Variants in KIRREL3 observed in about 807,000 individuals in gnomAD.
The protein encoded by KIRREL3 is kirre like nephrin family adhesion molecule 3.
In KIRREL3, 36 loss-of-function variants were observed where a neutral mutation model predicts 89.7. The observed-to-expected ratio is 0.40, with a 90% CI of 0.31 to 0.53. The LOEUF (loss-of-function observed/expected upper bound fraction) is 0.53. Among genes scored for constraint, KIRREL3 ranks in the 20% least tolerant of loss-of-function variants. The pLI, the probability that KIRREL3 is intolerant of heterozygous loss-of-function variation, is 0.49. For synonymous variants in KIRREL3, 445 were observed against 441.4 expected, an observed-to-expected ratio of 1.01 and a Z score of -0.10; for missense variants, 864 against 1,056.6, an observed-to-expected ratio of 0.82 and a Z score of 2.53.
chr11:126,949,540 G>C (rs1210984376), intron 1 of KIRREL3, among the ~76,000 whole-genome samples: 1 of 152,162 alleles, frequency 6.6e-6, no homozygotes, highest in African/African-American at 2.4e-5. Flanking sequence ...TAAGCTTTTT[G>C]CCTGGATGCT....
In KIRREL3 at chr11:126,636,848, A is replaced by C. The variant is rs1339742058; in HGVS notation, c.56-73936T>G. Among the ~76,000 whole-genome samples the C allele has an allele frequency of 2.0e-5, 3 of 152,240 alleles. No homozygotes were observed. The highest frequency in any genetic ancestry group is 4.4e-5 in the Non-Finnish European group (3 of 68,046). On this transcript the variant is annotated intron_variant, in intron 1 of 16. Transcript: ENST00000525144. The surrounding 1 kb of genome is among the most constrained non-coding windows in gnomAD (Gnocchi z 4.4). ...AACCACTTACTCTATAGCCTTAGGC[A>C]AGGCACTTAATGCCATTGCATGCCA...
chr11:126,845,530 C>T (rs904652027), intron 1 of KIRREL3, among the ~76,000 whole-genome samples: 1 of 152,068 alleles, frequency 6.6e-6, no homozygotes, highest in Non-Finnish European at 1.5e-5. Flanking sequence ...GAATGAGGGC[C>T]TAGGACCCCA....
At chr11:126,986,662 G>T (rs1949875874) in intron 1 of KIRREL3, among the ~76,000 whole-genome samples, 1 of 152,180 alleles carries the variant, frequency 6.6e-6, no homozygotes, top group Admixed American at 6.5e-5. Context: ...TGAGAGGAAG[G>T]CAATGATGTC....
chr11:126,711,004 G>C (rs1248719503), intron 1 of KIRREL3, among the ~76,000 whole-genome samples: 1 of 152,116 alleles, frequency 6.6e-6, no homozygotes, highest in East Asian at 1.9e-4. Context: ...TCCCCTCCTT[G>C]GGGCAAGGAG....
In KIRREL3 at chr11:126,522,878, G is replaced by C. The variant is rs535326037; in HGVS notation, c.284-1414C>G. Among the ~76,000 whole-genome samples, 1 of 152,332 alleles carries C rather than the reference G, an allele frequency of 6.6e-6. No homozygotes were observed. Among genetic ancestry groups the C allele is most frequent in the East Asian group, 1.9e-4 (1 of 5,178 alleles). ...CCCCAGGCTGCTCCTCCTTTTGAAGGACCCTCACCACACAGGGAGTGTTCT... is the reference window on the plus strand; with the variant it reads ...CCCCAGGCTGCTCCTCCTTTTGAAGCACCCTCACCACACAGGGAGTGTTCT... On this transcript the variant is annotated intron_variant, in intron 3 of 16. Coordinates refer to ENST00000525144, the MANE Select transcript of KIRREL3 (RefSeq NM_032531.4). The surrounding 1 kb of genome is among the most constrained non-coding windows in gnomAD (Gnocchi z 6.0).
At position 126,700,722 on chromosome 11, in the gene KIRREL3, C is replaced by T. The variant is rs776097800; in HGVS notation, c.56-137810G>A. 6.8e-4 allele frequency among the ~76,000 whole-genome samples: 104 copies of T among 152,266 alleles called. 1 individual carries two copies. The highest frequency in any genetic ancestry group is 2.7e-3 in the Admixed American group (42 of 15,298). On this transcript the variant is annotated intron_variant, in intron 1 of 16. Coordinates refer to ENST00000525144, the MANE Select transcript of KIRREL3 (RefSeq NM_032531.4). ...TGTCTTTTCTGTGAGACTCATCCCG[C>T]TATTCAGCAGGTGAAACCTCTCCGC...
intron 1 of KIRREL3, among the ~76,000 whole-genome samples, chr11:126,882,756 AT>A (rs922558564): frequency 7.2e-5 from 11 of 152,288 alleles, no homozygotes; most frequent in Admixed American, 7.2e-4. Flanking sequence ...CTAGAAGAAA[AT>A]TTTTGATCCC....
intron 1 of KIRREL3, among the ~76,000 whole-genome samples, chr11:126,725,572 G>A (rs986014084): frequency 3.9e-5 from 6 of 152,214 alleles, no homozygotes; most frequent in Non-Finnish European, 8.8e-5. Flanking sequence ...TTTCTTCTGA[G>A]TGTGTTTGTG....
chr11:126,987,761 G>T lies in KIRREL3; in HGVS notation c.55+12694C>A, dbSNP rs947198165. On this transcript the variant is annotated intron_variant, in intron 1 of 16. Transcript: ENST00000525144. This position sits in a 1 kb window ranked among gnomAD's most constrained non-coding sequence, Gnocchi z 4.6. ...TTCCTCCTCTGTATTGCTCTGATTC[G>T]ATCTAAAGGAGCTTTGAAAACGTCA... Among the ~76,000 whole-genome samples, 1 of 152,080 alleles carries T rather than the reference G, an allele frequency of 6.6e-6. No individual in the cohort carries two copies. The highest frequency in any genetic ancestry group is 2.4e-5 in the African/African-American group (1 of 41,418).
At chr11:126,762,541 G>A (rs1251350277) in intron 1 of KIRREL3, among the ~76,000 whole-genome samples, 1 of 152,202 alleles carries the variant, frequency 6.6e-6, no homozygotes, top group East Asian at 1.9e-4. Context: ...GAAGGGCTGT[G>A]TAAAACTTCC....
Position 126,933,330 on chromosome 11 carries a change from GC to G in KIRREL3, c.55+67124del, listed in dbSNP as rs545473318. Among the ~76,000 whole-genome samples the G allele has an allele frequency of 7.6e-4, 115 of 151,896 alleles. 1 individual carries two copies. The highest frequency in any genetic ancestry group is 2.7e-3 in the African/African-American group (111 of 41,384). On this transcript the variant is annotated intron_variant, in intron 1 of 16. Transcript: ENST00000525144. The stretch of plus-strand genomic sequence containing the variant: ...ATAAGTGAGTGAGCCTAAGTTCATT[GC>G]AGCCTAATGAGGGACTCCCTGGTCC...
In KIRREL3 at chr11:126,508,410, G is replaced by A. The variant is rs943113229; in HGVS notation, c.433+12905C>T. ...CCAGAGGATGATACTGAATGGGATG[G>A]CAAATGAATGCTGCGGGTCTCGGGG... On this transcript the variant is annotated intron_variant, in intron 4 of 16. Coordinates refer to ENST00000525144, the MANE Select transcript of KIRREL3 (RefSeq NM_032531.4). This position sits in a 1 kb window ranked among gnomAD's most constrained non-coding sequence, Gnocchi z 4.9. 3.9e-5 allele frequency among the ~76,000 whole-genome samples: 6 copies of A among 152,282 alleles called. No individual in the cohort carries two copies. In the Middle Eastern group the frequency reaches 0.017, roughly 432 times the overall value.
chr11:126,818,615 AGTAGTAGTAGT>A lies in KIRREL3; in HGVS notation c.55+181829_55+181839del, dbSNP rs1226005534. 6.1e-3 allele frequency among the ~76,000 whole-genome samples: 781 copies of A among 128,098 alleles called. 4 individuals carry two copies. The highest frequency in any genetic ancestry group is 0.02 in the South Asian group (80 of 4,012). The allele number at this position is 128,098 out of a possible 152,430, so 84.0% of individuals were successfully genotyped here. On this transcript the variant is annotated intron_variant, in intron 1 of 16. Transcript: ENST00000525144. ...AAAGCAGAAATTGTGTAGTAGTAGT[AGTAGTAGTAGT>A]GTGTGTGTGTGTGTGTGTGTGTGTG... is the stretch of plus-strand genomic sequence containing the variant.
chr11:126,726,715 C>A (rs1463686640), intron 1 of KIRREL3, among the ~76,000 whole-genome samples: 1 of 152,200 alleles, frequency 6.6e-6, no homozygotes, highest in Non-Finnish European at 1.5e-5. Flanking sequence ...GTCTACCTTT[C>A]CAGCTGTTTT....
At chr11:126,657,966 G>T (rs1371895949) in intron 1 of KIRREL3, among the ~76,000 whole-genome samples, 2 of 152,174 alleles carry the variant, frequency 1.3e-5, no homozygotes, top group African/African-American at 2.4e-5. Context: ...TCTCCTCCCG[G>T]ATCCCATCAG....
At chr11:126,961,023 G>A (rs1240571899) in intron 1 of KIRREL3, among the ~76,000 whole-genome samples, 1 of 152,172 alleles carries the variant, frequency 6.6e-6, no homozygotes, top group African/African-American at 2.4e-5. Context: ...CACCATATGA[G>A]ATGGTGAGCT....
rs1419473341 is a variant in KIRREL3 at position 126,898,003 on chromosome 11, A to G, written c.55+102452T>C. 1.3e-5 allele frequency among the ~76,000 whole-genome samples: 2 copies of G among 152,118 alleles called. No homozygotes were observed. The highest frequency in any genetic ancestry group is 4.8e-5 in the African/African-American group (2 of 41,390). On this transcript the variant is annotated intron_variant, in intron 1 of 16. Transcript: ENST00000525144. This position sits in a 1 kb window ranked among gnomAD's most constrained non-coding sequence, Gnocchi z 4.9. ...TGGTCTAGCACTATTGTGTCACTGA[A>G]TTCCTACAGAATCTTAGCAGTCATT...
rs1302124527 is a variant in KIRREL3, at chr11:126,778,983, G to A, written c.56-216071C>T. ...CACCTAGCGCGGAACTTGGAACACAGCAGAAACTCAACAAATGCCTTCCAT... is the reference window on the plus strand; with the variant it reads ...CACCTAGCGCGGAACTTGGAACACAACAGAAACTCAACAAATGCCTTCCAT... On this transcript the variant is annotated intron_variant, in intron 1 of 16. Transcript: ENST00000525144. The surrounding 1 kb of genome is among the most constrained non-coding windows in gnomAD (Gnocchi z 4.5). Among the ~76,000 whole-genome samples the A allele has an allele frequency of 6.6e-6, 1 of 152,206 alleles. No homozygotes were observed. Among genetic ancestry groups the A allele is most frequent in the Admixed American group, 6.5e-5 (1 of 15,276 alleles).
rs1425704132 is a variant in KIRREL3, at chr11:126,772,733, CT to C, written c.56-209822del. Among the ~76,000 whole-genome samples, 1 of 152,240 alleles carries C rather than the reference CT, an allele frequency of 6.6e-6. No homozygotes were observed. The highest frequency in any genetic ancestry group is 2.4e-5 in the African/African-American group (1 of 41,468). On this transcript the variant is annotated intron_variant, in intron 1 of 16. Coordinates refer to ENST00000525144, the MANE Select transcript of KIRREL3 (RefSeq NM_032531.4). The surrounding 1 kb of genome is among the most constrained non-coding windows in gnomAD (Gnocchi z 4.6). ...AGGCCACAGGCCAGCAGGGAAGTCA[CT>C]GCAGCCTCTGGGGGTGCCATCGTGG...
Sources: allele counts gnomAD v4.1 joint callset (sites outside exome capture counted in the v4.1 genomes callset), GRCh38; gene constraint gnomAD v4.1.1; non-coding constraint Gnocchi (gnomAD v3.1); transcripts MANE v1.5; gene names NCBI Gene and HGNC (gene_info 2026-07-23, HGNC 2026-07-21).